Variants in NEDD9 observed in about 807,000 individuals in gnomAD.
NEDD9 encodes enhancer of filamentation 1.
NEDD9 carries 26 observed loss-of-function variants against 76.6 expected under a neutral mutation model. That is an observed-to-expected ratio of 0.34 (90% CI 0.25 to 0.47). NEDD9 has a LOEUF of 0.47. Among genes scored for constraint, NEDD9 ranks in the 20% least tolerant of loss-of-function variants. NEDD9 has a pLI of 1.00. For synonymous variants in NEDD9, 392 were observed against 414.2 expected (o/e 0.95, Z 0.65); for missense variants, 937 against 1,058.5 (o/e 0.89, Z 1.59).
intron 5 of NEDD9, among the ~76,000 whole-genome samples, chr6:11,188,710 C>T (rs1262232509): frequency 6.6e-6 from 1 of 152,186 alleles, no homozygotes; most frequent in Non-Finnish European, 1.5e-5. Context: ...GCAGTAGTTC[C>T]CACTGTGCAG....
At chr6:11,210,761 T>TGG (rs1219014338) in intron 2 of NEDD9, among the ~76,000 whole-genome samples, 4 of 55,246 alleles carry the variant, frequency 7.2e-5, no homozygotes, top group African/African-American at 2.8e-4. Flanking sequence ...GAGGGAGGGA[T>TGG]GGGGGGAGAG....
chr6:11,211,182 G>A (rs143308944), intron 2 of NEDD9, among the ~76,000 whole-genome samples: 208 of 152,300 alleles, frequency 1.4e-3, no homozygotes, highest in African/African-American at 4.8e-3. Flanking sequence ...CATGGAATGT[G>A]AGTGCCCGAG....
In NEDD9 at chr6:11,193,698, G is replaced by C. The variant is rs1468960267; in HGVS notation, c.460-6C>G. On this transcript the variant is annotated splice_region_variant and splice_polypyrimidine_tract_variant and intron_variant, in intron 2 of 6. Coordinates refer to ENST00000379446, the MANE Select transcript of NEDD9 (RefSeq NM_006403.4). ...GTCCTCACGGGGGTTATCACCTGTGGGAGAGAAGGCACAGAGGTGTAAATT... is the reference window on the plus strand; with the variant it reads ...GTCCTCACGGGGGTTATCACCTGTGCGAGAGAAGGCACAGAGGTGTAAATT... 1 of 1,603,302 alleles carries C rather than the reference G, an allele frequency of 6.2e-7. No individual in the cohort carries two copies. The highest frequency in any genetic ancestry group is 8.5e-7 in the Non-Finnish European group (1 of 1,170,400).
chr6:11,256,003 C>T (rs1312858714), intron 3 of NEDD9, among the ~76,000 whole-genome samples: 1 of 152,142 alleles, frequency 6.6e-6, no homozygotes, highest in Non-Finnish European at 1.5e-5. Flanking sequence ...ACCACTAGGC[C>T]CCCATCAGCA....
Position 11,190,007 on chromosome 6 carries a change from G to T in NEDD9, c.1862C>A (p.Ser621Tyr). Reference protein sequence around the residue: ...QAPDCSSSDGSERSWMDDYDY... With the variant: ...QAPDCSSSDGYERSWMDDYDY... Reference sequence around the variant, plus strand: ...GTAGTCATCCATCCAGCTCCTCTCAGAACCATCACTGCTGCTACAGTCAGG... The same window carrying T: ...GTAGTCATCCATCCAGCTCCTCTCATAACCATCACTGCTGCTACAGTCAGG... Residue 621 changes from serine (S) to tyrosine (Y), a missense_variant, in exon 5 of 7, where the codon TCT (serine) becomes TAT (tyrosine). Physicochemically the swap from Ser to Tyr is moderately radical, Grantham distance 144. Coordinates refer to ENST00000379446, the MANE Select transcript of NEDD9 (RefSeq NM_006403.4). The surrounding 1 kb of genome is among the most constrained non-coding windows in gnomAD (Gnocchi z 5.8). The T allele has an allele frequency of 2.6e-6, 4 of 1,529,964 alleles. No individual in the cohort carries two copies. Among genetic ancestry groups the T allele is most frequent in the African/African-American group, 1.4e-5 (1 of 72,188 alleles). The allele number at this position is 1,529,964 out of a possible 1,614,324, so 94.8% of individuals were successfully genotyped here.
At chr6:11,312,397 G>A (rs938888556) in intron 2 of NEDD9, among the ~76,000 whole-genome samples, 6 of 151,822 alleles carry the variant, frequency 4.0e-5, no homozygotes, top group South Asian at 2.1e-4. Context: ...TCCTCTCGAC[G>A]ATGCCTCCTG....
In NEDD9 at chr6:11,191,078, G is replaced by A. The variant is rs1758131548; in HGVS notation, c.791C>T (p.Pro264Leu). 4 of 1,613,976 alleles carry A rather than the reference G, an allele frequency of 2.5e-6. No individual in the cohort carries two copies. Among genetic ancestry groups the A allele is most frequent in the Non-Finnish European group, 3.4e-6 (4 of 1,180,000 alleles). The change falls in exon 5 of 7, where the codon CCT becomes CTT. Residue 264 changes from proline to leucine, a missense_variant. By Grantham distance (98) the Pro-to-Leu change is moderately conservative. Coordinates refer to ENST00000379446, the MANE Select transcript of NEDD9 (RefSeq NM_006403.4). ...DLRPEGVYDI[P>L]PTCTKPAGKD... ...CCCTGCTGGCTTGGTGCAGGTTGGA[G>A]GAATGTCATAAACCCCCTCCGGTCT...
At chr6:11,380,798 G>GTCTTCTTCT (rs148561911) in intron 1 of NEDD9, among the ~76,000 whole-genome samples, 2 of 150,576 alleles carry the variant, frequency 1.3e-5, no homozygotes, top group African/African-American at 4.9e-5. Context: ...CCTAGTCATC[G>GTCTTCTTCT]TCTTCTTCTT....
At chr6:11,347,200 T>G (rs1561842961) in intron 1 of NEDD9, among the ~76,000 whole-genome samples, 1 of 152,170 alleles carries the variant, frequency 6.6e-6, no homozygotes, top group Admixed American at 6.5e-5. Context: ...TGGCCACTTC[T>G]TTTTATTTTC....
Position 11,213,599 on chromosome 6 carries a change from T to G in NEDD9, c.141A>C (p.Ser47=). 7 of 1,613,810 alleles carry G rather than the reference T, an allele frequency of 4.3e-6. No homozygotes were observed. Among genetic ancestry groups the G allele is most frequent in the Non-Finnish European group, 5.9e-6 (7 of 1,179,926 alleles). The change falls in exon 2 of 7, where the codon TCA becomes TCC. Residue 47 remains serine (S), a synonymous_variant. Coordinates refer to ENST00000379446, the MANE Select transcript of NEDD9 (RefSeq NM_006403.4). The surrounding 1 kb of genome is among the most constrained non-coding windows in gnomAD (Gnocchi z 5.4). ...GGACAATGCCTTGCCGACCGTGTAA[T>G]GAGCACAGCCACCATCCTTCCAGTC... is the stretch of plus-strand genomic sequence containing the variant. ...TGGLEGWWLC[S]LHGRQGIVPG...
At chr6:11,316,092 C>T (rs1035385273) in intron 2 of NEDD9, among the ~76,000 whole-genome samples, 8 of 152,194 alleles carry the variant, frequency 5.3e-5, no homozygotes, top group Middle Eastern at 3.2e-3. Flanking sequence ...TGGCACCTTC[C>T]ACTTCTGCAG....
At chr6:11,204,729 AAAAAAAAAG>A (rs1190860639) in intron 2 of NEDD9, among the ~76,000 whole-genome samples, 1 of 150,522 alleles carries the variant, frequency 6.6e-6, no homozygotes, top group African/African-American at 2.4e-5. Flanking sequence ...CAAAAAAAAA[AAAAAAAAAG>A]AAAGAAAGAA....
Sources: gnomAD v4.1 joint callset for allele counts (sites outside exome capture counted in the v4.1 genomes callset) on GRCh38, gnomAD v4.1.1 for gene constraint, Gnocchi (gnomAD v3.1) non-coding constraint, MANE v1.5 for transcripts, NCBI Gene and HGNC (gene_info 2026-07-23, HGNC 2026-07-21) for gene names.